GRID1: variants seen among roughly 807,000 people sequenced by gnomAD.
GRID1 encodes the protein glutamate receptor ionotropic, delta-1.
A neutral mutation model predicts 98.0 loss-of-function variants in GRID1; 28 were observed. The observed-to-expected ratio is 0.29, with a 90% confidence interval of 0.21 to 0.39. The LOEUF is 0.39. GRID1 is among the 10% of genes least tolerant of loss of function. The pLI is 1.00. For missense variants in GRID1, 1,111 were observed against 1,340.5 expected, an observed-to-expected ratio of 0.83 and a Z score of 2.67; for synonymous variants, 553 against 538.5, an observed-to-expected ratio of 1.03 and a Z score of -0.37.
At chr10:85,706,394 C>A (rs1187911230) in intron 12 of GRID1, among the ~76,000 whole-genome samples, 1 of 152,126 alleles carries the variant, frequency 6.6e-6, no homozygotes, top group Non-Finnish European at 1.5e-5. Context: ...ACCTAGGAAT[C>A]CAACTTACAA....
At chr10:86,246,886 T>C (rs918191683) in intron 2 of GRID1, among the ~76,000 whole-genome samples, 9 of 152,248 alleles carry the variant, frequency 5.9e-5, no homozygotes, top group Non-Finnish European at 1.3e-4. Context: ...ACTGTACTGA[T>C]TTGTTCAGAG....
intron 8 of GRID1, among the ~76,000 whole-genome samples, chr10:85,845,624 C>G (rs1842998188): frequency 6.6e-6 from 1 of 152,134 alleles, no homozygotes; most frequent in African/African-American, 2.4e-5. Flanking sequence ...ATGAAGCTTG[C>G]TCAGGTTTTC....
chr10:85,659,129 T>C (rs1840935984), intron 12 of GRID1, among the ~76,000 whole-genome samples: 1 of 152,222 alleles, frequency 6.6e-6, no homozygotes, highest in African/African-American at 2.4e-5. Context: ...GTCACACATA[T>C]TTTAGAATGC....
At chr10:86,315,223 C>T (rs1480137445) in intron 2 of GRID1, among the ~76,000 whole-genome samples, 3 of 152,164 alleles carry the variant, frequency 2.0e-5, no homozygotes, top group East Asian at 3.9e-4. Flanking sequence ...CTTGTGGAGA[C>T]CCCATAAAGC....
At chr10:85,746,772 A>G (rs1230158933) in intron 8 of GRID1, among the ~76,000 whole-genome samples, 1 of 152,132 alleles carries the variant, frequency 6.6e-6, no homozygotes, top group Non-Finnish European at 1.5e-5. Context: ...TCACCCATCC[A>G]ATCCTGCAGA....
chr10:85,638,530 G>T (rs1843076707), intron 13 of GRID1, among the ~76,000 whole-genome samples: 2 of 152,128 alleles, frequency 1.3e-5, no homozygotes, highest in African/African-American at 4.8e-5. Flanking sequence ...AGAGAGTCCA[G>T]AAATAGACCA....
intron 8 of GRID1, among the ~76,000 whole-genome samples, chr10:85,807,034 C>A (rs1269141447): frequency 2.6e-5 from 4 of 151,714 alleles, no homozygotes; most frequent in Non-Finnish European, 4.4e-5. Flanking sequence ...AAAAAAAAAT[C>A]TTGGTTTATT....
chr10:86,159,018 C>G lies in GRID1; in HGVS notation c.521-19994G>C, dbSNP rs1941587673. On this transcript the variant is annotated intron_variant, in intron 3 of 15. Coordinates refer to ENST00000327946, the MANE Select transcript of GRID1 (RefSeq NM_017551.3). ...ACGCCATTCTCCTGCCTCAGCCTCC[C>G]GAGTAGCTGGGACCACAGGCGCCCG... 3.3e-5 allele frequency among the ~76,000 whole-genome samples: 5 copies of G among 152,112 alleles called. No individual in the cohort carries two copies. The South Asian group carries it at 1.0e-3, about 32-fold the overall frequency.
intron 2 of GRID1, among the ~76,000 whole-genome samples, chr10:86,320,552 G>C (rs971576751): frequency 2.6e-5 from 4 of 152,166 alleles, no homozygotes; most frequent in African/African-American, 4.8e-5. Context: ...GGGAGTCACT[G>C]TTTAAGGGCT....
intron 4 of GRID1, among the ~76,000 whole-genome samples, chr10:86,133,028 C>T (rs1399416559): frequency 6.6e-6 from 1 of 152,250 alleles, no homozygotes; most frequent in East Asian, 1.9e-4. Flanking sequence ...CTGTTCTTCC[C>T]TCTACAGAAA....
chr10:85,602,005 G>A lies in GRID1; in HGVS notation c.*268C>T. Reference sequence around the variant, plus strand: ...ACTTCAGAATGATCACAAGTAATTTGCCTTTTTATTCATATAGAACAAAAT... The same window carrying A: ...ACTTCAGAATGATCACAAGTAATTTACCTTTTTATTCATATAGAACAAAAT... On this transcript the variant is annotated 3_prime_UTR_variant, in exon 16 of 16. Coordinates refer to ENST00000327946, the MANE Select transcript of GRID1 (RefSeq NM_017551.3). The A allele has an allele frequency of 2.5e-6, 1 of 393,506 alleles. No homozygotes were observed. The allele number at this position is 393,506 out of a possible 1,614,324, so 24.4% of individuals were successfully genotyped here.
chr10:85,778,078 T>G (rs939698553), intron 8 of GRID1, among the ~76,000 whole-genome samples: 1 of 152,048 alleles, frequency 6.6e-6, no homozygotes, highest in Non-Finnish European at 1.5e-5. Context: ...ATTCAAGAGA[T>G]AAATAAAAGA....
chr10:85,605,263 A>G (rs550405199), intron 15 of GRID1: 40 of 152,376 alleles, frequency 2.6e-4, no homozygotes, highest in Middle Eastern at 3.4e-3. Flanking sequence ...ATTTGTATCT[A>G]TAAGGCATGT....
At chr10:85,983,155 G>A (rs900176838) in intron 4 of GRID1, among the ~76,000 whole-genome samples, 7 of 152,196 alleles carry the variant, frequency 4.6e-5, no homozygotes, top group Non-Finnish European at 7.3e-5. Context: ...GCCTGCTCCT[G>A]AGCCCACCCA....
intron 4 of GRID1, among the ~76,000 whole-genome samples, chr10:85,933,802 AC>A (rs1282940750): frequency 2.6e-5 from 4 of 152,218 alleles, no homozygotes; most frequent in Non-Finnish European, 5.9e-5. Context: ...GAGGTGCGGA[AC>A]CATCAGTAAC....
chr10:85,895,825 G>A (rs1841285768), intron 5 of GRID1, among the ~76,000 whole-genome samples: 1 of 152,172 alleles, frequency 6.6e-6, no homozygotes, highest in Admixed American at 6.5e-5. Flanking sequence ...CGAGGAAAAT[G>A]AGAATCAGTT....
intron 13 of GRID1, among the ~76,000 whole-genome samples, chr10:85,634,249 C>CCTCTCTCTCTCTCTCTCTCTCCCTCT (rs1843008375): frequency 1.1e-5 from 1 of 92,314 alleles, no homozygotes; most frequent in Non-Finnish European, 2.1e-5. Context: ...TGATGGGGCA[C>CCTCTCTCTCTCTCTCTCTCTCCCTCT]CTCTCTCTCT....
intron 4 of GRID1, among the ~76,000 whole-genome samples, chr10:85,958,995 GA>G (rs1429344157): frequency 4.6e-5 from 7 of 150,868 alleles, no homozygotes; most frequent in African/African-American, 1.5e-4. Context: ...GAAAGAAAAA[GA>G]AAAAGAAGCT....
chr10:85,840,709 G>A (rs1366448934), intron 8 of GRID1, among the ~76,000 whole-genome samples: 3 of 152,102 alleles, frequency 2.0e-5, no homozygotes, highest in Non-Finnish European at 2.9e-5. Flanking sequence ...AAAGCAGAGA[G>A]CACAATCAAG....
Sources: gnomAD v4.1 joint callset for allele counts (sites outside exome capture counted in the v4.1 genomes callset) on GRCh38, gnomAD v4.1.1 for gene constraint, MANE v1.5 for transcripts, NCBI Gene and HGNC (gene_info 2026-07-23, HGNC 2026-07-21) for gene names.